BCKDHB: variants seen among roughly 807,000 people sequenced by gnomAD.
BCKDHB encodes 2-oxoisovalerate dehydrogenase subunit beta, mitochondrial.
BCKDHB carries 41 observed loss-of-function variants against 48.5 expected under a neutral mutation model. That is an observed-to-expected ratio of 0.85 (90% CI 0.66 to 1.10). BCKDHB has a LOEUF of 1.10. BCKDHB is among the 50% of genes least tolerant of loss of function. BCKDHB has a pLI of 0.00. For synonymous variants in BCKDHB, 201 were observed against 174.8 expected, an observed-to-expected ratio of 1.15 and a Z score of -1.18; for missense variants, 496 against 494.2, an observed-to-expected ratio of 1.00 and a Z score of -0.03.
At chr6:80,382,206 G>A in the BCKDHB span, among the ~76,000 whole-genome samples, 2 of 152,102 alleles carry the variant, frequency 1.3e-5, no homozygotes, top group African/African-American at 4.8e-5. Context: ...TTAATAAGAT[G>A]TGGAAGACCT....
intron 8 of BCKDHB, among the ~76,000 whole-genome samples, chr6:80,204,567 T>G (rs773801060): frequency 2.6e-5 from 4 of 151,506 alleles, no homozygotes; most frequent in Non-Finnish European, 5.9e-5. Flanking sequence ...GTGTAGATGG[T>G]GCTTTTGTAT....
At chr6:80,398,581 T>C in the BCKDHB span, among the ~76,000 whole-genome samples, 212 of 150,284 alleles carry the variant, frequency 1.4e-3, no homozygotes, top group African/African-American at 4.6e-3. Flanking sequence ...GAATCAGCAA[T>C]AAAATCAGCA....
At position 80,222,834 on chromosome 6, in the gene BCKDHB, C is replaced by T. The variant is rs1003292840; in HGVS notation, c.951+19622C>T. On this transcript the variant is annotated intron_variant, in intron 8 of 9. Transcript: ENST00000320393. ...GCTACCATAAACCCATGTATAAAAGCACATACATTTAGTCTATAAGAGTGG... is the reference window on the plus strand; with the variant it reads ...GCTACCATAAACCCATGTATAAAAGTACATACATTTAGTCTATAAGAGTGG... 4.0e-4 allele frequency among the ~76,000 whole-genome samples: 61 copies of T among 152,298 alleles called. 1 individual carries two copies. The highest frequency in any genetic ancestry group is 1.1e-3 in the Admixed American group (17 of 15,296).
At chr6:80,451,889 C>T in the BCKDHB span, among the ~76,000 whole-genome samples, 4 of 152,178 alleles carry the variant, frequency 2.6e-5, no homozygotes, top group East Asian at 1.9e-4. Context: ...CTGGTCATAT[C>T]TGAAAATATG....
At chr6:80,227,228 T>C (rs1253449795) in intron 8 of BCKDHB, among the ~76,000 whole-genome samples, 2 of 152,228 alleles carry the variant, frequency 1.3e-5, no homozygotes, top group African/African-American at 4.8e-5. Context: ...TATTTCAGTT[T>C]CTTTTGGAGG....
At chr6:80,152,105 T>C (rs1771813550) in intron 3 of BCKDHB, among the ~76,000 whole-genome samples, 1 of 152,214 alleles carries the variant, frequency 6.6e-6, no homozygotes, top group African/African-American at 2.4e-5. Context: ...ACAGCTTTGG[T>C]TGTATTCAAG....
chr6:80,342,638 G>T (rs1314805073), intron 9 of BCKDHB, among the ~76,000 whole-genome samples: 2 of 150,096 alleles, frequency 1.3e-5, no homozygotes, highest in Admixed American at 1.3e-4. Flanking sequence ...AAAAGAAAAG[G>T]AACAAAGGAA....
intron 8 of BCKDHB, among the ~76,000 whole-genome samples, chr6:80,219,859 A>G (rs549400315): frequency 4.6e-5 from 7 of 152,254 alleles, no homozygotes; most frequent in Non-Finnish European, 8.8e-5. Flanking sequence ...CTAGTGTCAC[A>G]TTGGGGTAGA....
intron 8 of BCKDHB, among the ~76,000 whole-genome samples, chr6:80,212,937 GTTA>G (rs1775006805): frequency 6.6e-6 from 1 of 152,064 alleles, no homozygotes; most frequent in Admixed American, 6.6e-5. Context: ...ACGTACTCTT[GTTA>G]TTTACATTGT....
chr6:80,310,150 A>G (rs1768083126), intron 9 of BCKDHB, among the ~76,000 whole-genome samples: 1 of 151,938 alleles, frequency 6.6e-6, no homozygotes, highest in South Asian at 2.1e-4. Context: ...GGTTTGTTAC[A>G]TAGGTAAACA....
At chr6:80,263,953 G>A (rs79457321) in intron 8 of BCKDHB, among the ~76,000 whole-genome samples, 2 of 152,106 alleles carry the variant, frequency 1.3e-5, no homozygotes, top group African/African-American at 2.4e-5. Flanking sequence ...GGGGACTTAC[G>A]AATTGAAAAG....
At chr6:80,434,823 G>T in the BCKDHB span, among the ~76,000 whole-genome samples, 1 of 152,206 alleles carries the variant, frequency 6.6e-6, no homozygotes, top group South Asian at 2.1e-4. Context: ...TGAGCTCCAC[G>T]ACTTGTTCAG....
rs1174539586 is a variant in BCKDHB, at chr6:80,106,885, G to A, written c.192G>A (p.Glu64=). 8 of 1,604,878 alleles carry A rather than the reference G, an allele frequency of 5.0e-6. No individual in the cohort carries two copies. The South Asian group carries it at 8.9e-5, about 18-fold the overall frequency. ...FTFQPDPEPR[E]YGQTQKMNLF... ...TCCAGCCAGATCCGGAGCCCCGGGA[G>A]TACGGTGAGCCCTGGGACTGCCCAC... The change falls in exon 1 of 10, where the codon GAG becomes GAA. Residue 64 remains glutamate, a synonymous_variant. Transcript: ENST00000320393.
chr6:80,356,388 T>G, the BCKDHB span: 1 of 152,190 alleles, frequency 6.6e-6, no homozygotes, highest in East Asian at 1.9e-4. Flanking sequence ...ATGGTATAGC[T>G]GTGGTTTGTG....
At chr6:80,466,164 GCAGGAGAGAAGTTC>G in the BCKDHB span, among the ~76,000 whole-genome samples, 3 of 152,148 alleles carry the variant, frequency 2.0e-5, no homozygotes, top group Admixed American at 6.5e-5. Flanking sequence ...CTGTCACAAA[GCAGGAGAGAAGTTC>G]CAGGAGGAAG....
chr6:80,181,311 TA>T (rs1449759571), intron 6 of BCKDHB, among the ~76,000 whole-genome samples: 4 of 152,226 alleles, frequency 2.6e-5, no homozygotes, highest in Non-Finnish European at 4.4e-5. Context: ...CACAATATTA[TA>T]ATTAAGGCAT....
chr6:80,252,287 G>T (rs1280961251), intron 8 of BCKDHB, among the ~76,000 whole-genome samples: 1 of 152,166 alleles, frequency 6.6e-6, no homozygotes, highest in Non-Finnish European at 1.5e-5. Context: ...TCTATCAAAT[G>T]ATGTGGCAAA....
At chr6:80,197,934 T>C (rs1370382871) in intron 6 of BCKDHB, among the ~76,000 whole-genome samples, 4 of 148,858 alleles carry the variant, frequency 2.7e-5, no homozygotes, top group Non-Finnish European at 5.9e-5. Context: ...ATCCATCTGT[T>C]CATCCATCCA....
chr6:80,398,696 G>GAAAAAA, the BCKDHB span, among the ~76,000 whole-genome samples: 55 of 144,324 alleles, frequency 3.8e-4, 1 homozygote, highest in African/African-American at 1.2e-3. Flanking sequence ...TAAAACTTTT[G>GAAAAAA]AAAAAAAAAA....
Sources: gnomAD v4.1 joint callset for allele counts (sites outside exome capture counted in the v4.1 genomes callset) on GRCh38, gnomAD v4.1.1 for gene constraint, MANE v1.5 for transcripts, NCBI Gene and HGNC (gene_info 2026-07-23, HGNC 2026-07-21) for gene names.